The following SGSM1 variants were observed in gnomAD, a reference collection of about 807,000 sequenced individuals.
SGSM1 encodes small G protein signaling modulator 1, also known as RUN and TBC1 domain containing 2.
In SGSM1, 73 loss-of-function variants were observed where a neutral mutation model predicts 133.8. That is an observed-to-expected ratio of 0.55 (90% confidence interval 0.45 to 0.66). The LOEUF (loss-of-function observed/expected upper bound fraction) is 0.66, where lower values mean the gene tolerates loss of function less well. Among genes scored for constraint, SGSM1 ranks in the 30% least tolerant of loss-of-function variants. SGSM1 has a pLI of 0.00. For synonymous variants in SGSM1, 563 were observed against 573.0 expected (o/e 0.98, Z 0.25); for missense variants, 1,213 against 1,448.1 (o/e 0.84, Z 2.64).
At chr22:24,823,254 G>T (rs2147797554) in intron 2 of SGSM1, among the ~76,000 whole-genome samples, 1 of 152,274 alleles carries the variant, frequency 6.6e-6, no homozygotes, top group East Asian at 1.9e-4. Context: ...ATAAATGCTG[G>T]CTATGACGAC....
At chr22:24,815,732 GTC>G (rs56816887) in intron 2 of SGSM1, among the ~76,000 whole-genome samples, 1,790 of 152,226 alleles carry the variant, frequency 0.012, 34 homozygotes, top group African/African-American at 0.04. Context: ...GTGAGACTGT[GTC>G]TCAAAAAACA....
chr22:24,840,080 C>G (rs1365083717), intron 2 of SGSM1, among the ~76,000 whole-genome samples: 1 of 151,420 alleles, frequency 6.6e-6, no homozygotes, highest in Non-Finnish European at 1.5e-5. Context: ...GTAGCTGGGA[C>G]TACAGGTGCC....
At chr22:24,878,814 T>C (rs1004175994) in intron 13 of SGSM1, among the ~76,000 whole-genome samples, 8 of 152,210 alleles carry the variant, frequency 5.3e-5, no homozygotes, top group African/African-American at 1.7e-4. Context: ...TGGATCACTT[T>C]ACAAATCAGA....
At chr22:24,874,399 T>C in intron 12 of SGSM1, 1 of 1,599,312 alleles carries the variant, frequency 6.3e-7, no homozygotes, top group East Asian at 2.2e-5. Context: ...TGGTTCTTTC[T>C]GTTTTGTGTC....
intron 2 of SGSM1, among the ~76,000 whole-genome samples, chr22:24,833,549 T>C (rs1929243910): frequency 6.6e-6 from 1 of 151,944 alleles, no homozygotes; most frequent in Admixed American, 6.6e-5. Flanking sequence ...TCCCAGCTAC[T>C]TGGGAGGCTG....
At chr22:24,892,190 G>T (rs543465313) in intron 16 of SGSM1, among the ~76,000 whole-genome samples, 1 of 152,088 alleles carries the variant, frequency 6.6e-6, no homozygotes, top group Non-Finnish European at 1.5e-5. Context: ...GCTTGGAGGA[G>T]TCTCAGGGAG....
intron 2 of SGSM1, among the ~76,000 whole-genome samples, chr22:24,836,460 T>C (rs567359500): frequency 6.6e-6 from 1 of 152,340 alleles, no homozygotes; most frequent in South Asian, 2.1e-4. Flanking sequence ...TTCTTTTGGG[T>C]GTATGCCCAG....
At position 24,905,653 on chromosome 22, in the gene SGSM1, G is replaced by C. The variant is rs928280248; in HGVS notation, c.2818+466G>C. On this transcript the variant is annotated intron_variant, in intron 21 of 24. Coordinates refer to ENST00000400358, the MANE Select transcript of SGSM1 (RefSeq NM_001098497.3). ...ATTAAAAAAAAATTAGCCAGGCGTGGTGGCAGGCACCTGTAGTCCCAGCTA... is the reference window on the plus strand; with the variant it reads ...ATTAAAAAAAAATTAGCCAGGCGTGCTGGCAGGCACCTGTAGTCCCAGCTA... Among the ~76,000 whole-genome samples the C allele has an allele frequency of 2.6e-5, 4 of 151,984 alleles. No individual in the cohort carries two copies. The East Asian group carries it at 7.8e-4, about 29-fold the overall frequency.
intron 4 of SGSM1, 37 bp downstream of exon 4, chr22:24,847,833 C>T: frequency 6.2e-7 from 1 of 1,602,996 alleles, no homozygotes; most frequent in South Asian, 1.1e-5. Context: ...GGGAGCAGCT[C>T]CCCCAATAGT....
chr22:24,836,587 T>A (rs1929442752), intron 2 of SGSM1, among the ~76,000 whole-genome samples: 1 of 152,260 alleles, frequency 6.6e-6, no homozygotes, highest in South Asian at 2.1e-4. Flanking sequence ...AGGGTTCCAG[T>A]TTCTCCACAT....
intron 22 of SGSM1, among the ~76,000 whole-genome samples, chr22:24,916,109 C>T (rs901757110): frequency 6.6e-6 from 1 of 152,018 alleles, no homozygotes; most frequent in East Asian, 1.9e-4. Flanking sequence ...TTGAAGTGTA[C>T]GATTCAGTGG....
intron 2 of SGSM1, among the ~76,000 whole-genome samples, chr22:24,829,388 G>A (rs1181711143): frequency 6.6e-6 from 1 of 152,150 alleles, no homozygotes; most frequent in Non-Finnish European, 1.5e-5. Context: ...TGGAAGGGTG[G>A]AAGGTGGGAG....
At chr22:24,832,896 G>A (rs974150710) in intron 2 of SGSM1, among the ~76,000 whole-genome samples, 1 of 151,716 alleles carries the variant, frequency 6.6e-6, no homozygotes, top group African/African-American at 2.4e-5. Context: ...TCTTCTCCCT[G>A]ATCTTCACAT....
At chr22:24,900,367 C>CTT (rs1933095763) in intron 19 of SGSM1, among the ~76,000 whole-genome samples, 1 of 70,750 alleles carries the variant, frequency 1.4e-5, no homozygotes, top group African/African-American at 5.3e-5. Context: ...TTCTTTCTTT[C>CTT]TTTCTTTCTT....
At chr22:24,827,584 C>T (rs926493504) in intron 2 of SGSM1, among the ~76,000 whole-genome samples, 1 of 152,006 alleles carries the variant, frequency 6.6e-6, no homozygotes, top group African/African-American at 2.4e-5. Context: ...AGCAGCCGGC[C>T]GTTCACCTGA....
At chr22:24,857,957 C>A (rs1930904426) in intron 8 of SGSM1, among the ~76,000 whole-genome samples, 1 of 152,052 alleles carries the variant, frequency 6.6e-6, no homozygotes, top group Non-Finnish European at 1.5e-5. Flanking sequence ...CAAGAATGTC[C>A]ACTCTCATCT....
rs1000231973 is a variant in SGSM1 at position 24,831,764 on chromosome 22, G to A, written c.64-13133G>A. 5.3e-5 allele frequency among the ~76,000 whole-genome samples: 8 copies of A among 152,350 alleles called. No individual in the cohort carries two copies. The South Asian group carries it at 1.7e-3, about 32-fold the overall frequency. ...CTATGGCTTTGCCAACAGCCGGCCT[G>A]TGCGTCTTAATTTTTCTCAACCAGG... is the stretch of plus-strand genomic sequence containing the variant. On this transcript the variant is annotated intron_variant, in intron 2 of 24. Transcript: ENST00000400358.
intron 3 of SGSM1, among the ~76,000 whole-genome samples, chr22:24,845,954 TTTCTTTCTTTCTTTCTTTCTTTC>T (rs1930097906): frequency 2.2e-5 from 2 of 89,832 alleles, no homozygotes; most frequent in Non-Finnish European, 4.7e-5. Context: ...TCTTTCTTTC[TTTCTTTCTTTCTTTCTTTCTTTC>T]TTTCTTTCTT....
chr22:24,912,399 C>T (rs1933659496), intron 21 of SGSM1, among the ~76,000 whole-genome samples: 1 of 152,134 alleles, frequency 6.6e-6, no homozygotes, highest in African/African-American at 2.4e-5. Context: ...AGCCTTTTGG[C>T]CAGGTGCAGT....
Sources: gnomAD v4.1 joint callset for allele counts (sites outside exome capture counted in the v4.1 genomes callset) on GRCh38, gnomAD v4.1.1 for gene constraint, MANE v1.5 for transcripts, NCBI Gene and HGNC (gene_info 2026-07-23, HGNC 2026-07-21) for gene names.